MEIS1: variants seen among roughly 807,000 people sequenced by gnomAD.
MEIS1 encodes the protein homeobox protein Meis1.
Under a neutral mutation model 50.8 loss-of-function variants are expected in MEIS1, and 5 were observed. That is an observed-to-expected ratio of 0.10 (90% CI 0.05 to 0.21). The LOEUF is 0.21. Among genes scored for constraint, MEIS1 ranks in the 10% least tolerant of loss-of-function variants. The probability of loss-of-function intolerance (pLI) is 1.00; values close to 1 mark genes in which losing one functional copy is unlikely to be tolerated. For synonymous variants in MEIS1, 176 were observed against 179.3 expected, an observed-to-expected ratio of 0.98 and a Z score of 0.15; for missense variants, 318 against 517.3, an observed-to-expected ratio of 0.61 and a Z score of 3.74.
intron 8 of MEIS1, among the ~76,000 whole-genome samples, chr2:66,545,712 CT>C (rs756022563): frequency 2.0e-5 from 3 of 152,106 alleles, no homozygotes; most frequent in Non-Finnish European, 4.4e-5. Context: ...TGTTTTAAAC[CT>C]TAGGGTAATG....
chr2:66,441,010 A>G (rs1475403993), intron 4 of MEIS1: 7 of 329,688 alleles, frequency 2.1e-5, no homozygotes, highest in African/African-American at 4.3e-5. Flanking sequence ...TGAAAGGTGT[A>G]AGGAAGGCAG....
chr2:66,565,998 TCTG>T (rs1675337942), intron 9 of MEIS1, among the ~76,000 whole-genome samples: 14 of 152,326 alleles, frequency 9.2e-5, no homozygotes, highest in South Asian at 8.3e-4. Flanking sequence ...AATCTAACCT[TCTG>T]CTCACATGAT....
At chr2:66,517,060 T>A (rs1211563631) in intron 8 of MEIS1, among the ~76,000 whole-genome samples, 1 of 152,162 alleles carries the variant, frequency 6.6e-6, no homozygotes, top group Admixed American at 6.5e-5. Flanking sequence ...TTTCTATTTC[T>A]TTTTATTGCC....
chr2:66,553,447 A>G (rs1225711393), intron 9 of MEIS1, among the ~76,000 whole-genome samples: 1 of 152,218 alleles, frequency 6.6e-6, no homozygotes, highest in African/African-American at 2.4e-5. Flanking sequence ...GGCTTAGATT[A>G]TAGCAATCAG....
intron 6 of MEIS1, 64 bp downstream of exon 6, chr2:66,443,112 G>C (rs1176275767): frequency 6.7e-7 from 1 of 1,500,276 alleles, no homozygotes; most frequent in Non-Finnish European, 8.9e-7. Context: ...ATTGCTTGCT[G>C]GGTCACTACC....
chr2:66,483,176 T>A (rs1673057502), intron 7 of MEIS1, among the ~76,000 whole-genome samples: 1 of 152,130 alleles, frequency 6.6e-6, no homozygotes, highest in African/African-American at 2.4e-5. Flanking sequence ...AAAGAGATTC[T>A]GCTTAGGACT....
rs957687603 is a variant in MEIS1, at chr2:66,571,827, A to G, written c.*619A>G. The G allele has an allele frequency of 3.0e-6, 1 of 330,540 alleles. No homozygotes were observed. Among genetic ancestry groups the G allele is most frequent in the South Asian group, 3.3e-5 (1 of 30,030 alleles). 20.5% of individuals were successfully genotyped at this position (330,540 alleles called of 1,614,324 possible). A position where few individuals can be genotyped will look rare whatever the true frequency, so the allele number is the denominator to read the frequency against. On this transcript the variant is annotated 3_prime_UTR_variant, in exon 13 of 13. Transcript: ENST00000272369. The stretch of plus-strand genomic sequence containing the variant: ...AAAAAATGTGAAATTTTTCCACACT[A>G]TGTGTGTTGTTTCCATAGCTCTTCA...
chr2:66,513,966 G>A (rs916039533), intron 8 of MEIS1, among the ~76,000 whole-genome samples: 2 of 152,214 alleles, frequency 1.3e-5, no homozygotes, highest in Non-Finnish European at 2.9e-5. Context: ...GGTCAAAGGT[G>A]TGGTACAATG....
chr2:66,509,139 T>G (rs959974516), intron 7 of MEIS1: 1 of 439,668 alleles, frequency 2.3e-6, no homozygotes, highest in African/African-American at 2.1e-5. Flanking sequence ...ATTGACCATT[T>G]AGACTTTCCT....
rs1163189976 is a variant in MEIS1, at chr2:66,437,722, C to T, written c.13-15C>T. 6.2e-7 allele frequency: 1 copy of T among 1,612,958 alleles called. No homozygotes were observed. Among genetic ancestry groups the T allele is most frequent in the Non-Finnish European group, 8.5e-7 (1 of 1,179,152 alleles). ...TGGCCTCCTGAACCTTCTTTCTCTC[C>T]TGTTTGTCATGCAGTACGACGATCT... On this transcript the variant is annotated splice_polypyrimidine_tract_variant and intron_variant, in intron 1 of 12. Transcript: ENST00000272369.
At chr2:66,446,341 A>G (rs1236453678) in intron 6 of MEIS1, among the ~76,000 whole-genome samples, 2 of 152,032 alleles carry the variant, frequency 1.3e-5, no homozygotes, top group East Asian at 1.9e-4. Flanking sequence ...GGCCGCTTCT[A>G]TTGCGCGCCA....
chr2:66,455,505 A>C (rs976477477), intron 6 of MEIS1, among the ~76,000 whole-genome samples: 2 of 152,222 alleles, frequency 1.3e-5, no homozygotes, highest in South Asian at 2.1e-4. Flanking sequence ...TCTGCTTAGC[A>C]TAGTTGATTC....
chr2:66,452,921 C>G (rs1209646977), intron 6 of MEIS1, among the ~76,000 whole-genome samples: 1 of 151,916 alleles, frequency 6.6e-6, no homozygotes, highest in Non-Finnish European at 1.5e-5. Context: ...TATGCTTGTT[C>G]TGTGCATATG....
At chr2:66,440,678 AGCTTT>A (rs1222178398) in intron 4 of MEIS1, 66 bp downstream of exon 4, 2 of 965,198 alleles carry the variant, frequency 2.1e-6, no homozygotes, top group South Asian at 2.9e-5. Flanking sequence ...CAACGCCCTC[AGCTTT>A]GCTTTGAGAG....
At chr2:66,469,451 C>G (rs970524422) in intron 7 of MEIS1, among the ~76,000 whole-genome samples, 22 of 152,094 alleles carry the variant, frequency 1.4e-4, no homozygotes, top group African/African-American at 5.3e-4. Flanking sequence ...GTGGGGAGCA[C>G]CGGGCGAGGG....
At chr2:66,455,094 G>C (rs1672358741) in intron 6 of MEIS1, among the ~76,000 whole-genome samples, 1 of 152,064 alleles carries the variant, frequency 6.6e-6, no homozygotes, top group Non-Finnish European at 1.5e-5. Flanking sequence ...CAATGGCATA[G>C]AAAAAGAAAA....
chr2:66,526,440 A>T (rs1182410415), intron 8 of MEIS1, among the ~76,000 whole-genome samples: 1 of 152,150 alleles, frequency 6.6e-6, no homozygotes, highest in Non-Finnish European at 1.5e-5. Flanking sequence ...TGCCTACTTT[A>T]TTTCCAGTTT....
chr2:66,508,463 A>T (rs996076150), intron 7 of MEIS1, among the ~76,000 whole-genome samples: 1 of 152,104 alleles, frequency 6.6e-6, no homozygotes, highest in Non-Finnish European at 1.5e-5. Context: ...AATGAGGGGG[A>T]AAAAAGAGAC....
At chr2:66,523,066 G>A (rs886837072) in intron 8 of MEIS1, among the ~76,000 whole-genome samples, 1 of 152,202 alleles carries the variant, frequency 6.6e-6, no homozygotes. Context: ...AAACAGGTGT[G>A]AGCAGTTTCC....
Sources: allele counts gnomAD v4.1 joint callset (sites outside exome capture counted in the v4.1 genomes callset), GRCh38; gene constraint gnomAD v4.1.1; transcripts MANE v1.5; gene names NCBI Gene and HGNC (gene_info 2026-07-23, HGNC 2026-07-21).